The following ARRB1 variants were observed in gnomAD, a reference collection of about 807,000 sequenced individuals.
The protein encoded by ARRB1 is arrestin beta 1.
ARRB1 carries 21 observed loss-of-function variants against 56.8 expected under a neutral mutation model. The ratio of observed to expected loss-of-function variants is 0.37; its 90% CI spans 0.26 to 0.53. The LOEUF is 0.53. ARRB1 is among the 20% of genes least tolerant of loss of function. ARRB1 has a pLI of 0.88. For synonymous variants in ARRB1, 210 were observed against 218.6 expected (o/e 0.96, Z 0.35); for missense variants, 424 against 553.7 (o/e 0.77, Z 2.35).
chr11:75,274,740 C>T (rs183442174), intron 10 of ARRB1: 223 of 148,992 alleles, frequency 1.5e-3, no homozygotes, highest in Non-Finnish European at 2.5e-3. Context: ...TACAGTGAGC[C>T]GAGATTGCTC....
chr11:75,267,763 G>T lies in ARRB1; in HGVS notation c.1094-60C>A, dbSNP rs139538894. The T allele has an allele frequency of 2.3e-4, 348 of 1,492,364 alleles. No individual in the cohort carries two copies. The African/African-American group carries it at 2.7e-3, about 12-fold the overall frequency. The allele number at this position is 1,492,364 out of a possible 1,614,324, so 92.4% of individuals were successfully genotyped here. On this transcript the variant is annotated intron_variant, in intron 14 of 15. Coordinates refer to ENST00000420843, the MANE Select transcript of ARRB1 (RefSeq NM_004041.5). Reference sequence around the variant, plus strand: ...ATTAGTGAGTGGATGAGCACGGGGCGAGTAAGCACAGGCCCCCACCCTGGG... The same window carrying T: ...ATTAGTGAGTGGATGAGCACGGGGCTAGTAAGCACAGGCCCCCACCCTGGG...
At chr11:75,276,816 A>C in intron 10 of ARRB1, 23 bp downstream of exon 10, 2 of 1,613,106 alleles carry the variant, frequency 1.2e-6, no homozygotes, top group Non-Finnish European at 1.7e-6. Flanking sequence ...CATACGCCCA[A>C]GGCCAGACTT....
At chr11:75,335,923 G>A (rs765999159) in intron 1 of ARRB1, among the ~76,000 whole-genome samples, 8 of 152,222 alleles carry the variant, frequency 5.3e-5, no homozygotes, top group Admixed American at 2.0e-4. Context: ...CAAAACATGA[G>A]ACTTGCTGTG....
chr11:75,305,394 T>G (rs541795587), intron 1 of ARRB1, among the ~76,000 whole-genome samples: 4 of 152,116 alleles, frequency 2.6e-5, no homozygotes, highest in Non-Finnish European at 5.9e-5. Context: ...TTACTGTTGT[T>G]ACTATCATAC....
intron 1 of ARRB1, among the ~76,000 whole-genome samples, chr11:75,329,088 CTTTTTTTT>C (rs770989128): frequency 1.9e-5 from 2 of 103,656 alleles, no homozygotes; most frequent in African/African-American, 3.7e-5. Flanking sequence ...TGCTGTGTAA[CTTTTTTTT>C]TTTTTTTTTT....
chr11:75,324,115 G>A (rs1461849599), intron 1 of ARRB1, among the ~76,000 whole-genome samples: 1 of 152,188 alleles, frequency 6.6e-6, no homozygotes, highest in East Asian at 1.9e-4. Context: ...AATTCTGGAT[G>A]ATTGCTCTCT....
rs1266506499 is a variant in ARRB1 at position 75,261,667 on chromosome 11, C to T, written c.*4496G>A. On this transcript the variant is annotated 3_prime_UTR_variant, in exon 16 of 16. Transcript: ENST00000420843. ...TGGGGGGAGGATGTTTCCCCTTCAACAGGGCGTGTCTTTGAAGCCGCTGTG... is the reference window on the plus strand; with the variant it reads ...TGGGGGGAGGATGTTTCCCCTTCAATAGGGCGTGTCTTTGAAGCCGCTGTG... The T allele has an allele frequency of 6.6e-6, 1 of 152,154 alleles. No individual in the cohort carries two copies. Among genetic ancestry groups the T allele is most frequent in the Non-Finnish European group, 1.5e-5 (1 of 68,056 alleles). The allele number at this position is 152,154 out of a possible 1,614,324, so 9.4% of individuals were successfully genotyped here. A position where few individuals can be genotyped will look rare whatever the true frequency, so the allele number is the denominator to read the frequency against.
intron 5 of ARRB1, among the ~76,000 whole-genome samples, chr11:75,282,460 G>GCT (rs1946367889): frequency 6.6e-6 from 1 of 152,234 alleles, no homozygotes; most frequent in Admixed American, 6.5e-5. Context: ...GGGCAGAAAT[G>GCT]TCTGAGCCAC....
chr11:75,280,641 C>T (rs546714283), intron 7 of ARRB1, among the ~76,000 whole-genome samples: 72 of 152,378 alleles, frequency 4.7e-4, no homozygotes, highest in African/African-American at 1.6e-3. Context: ...TCTCCACTTC[C>T]TCCTCACTTA....
At chr11:75,273,822 G>T (rs1946129757) in intron 11 of ARRB1, among the ~76,000 whole-genome samples, 1 of 152,194 alleles carries the variant, frequency 6.6e-6, no homozygotes, top group African/African-American at 2.4e-5. Flanking sequence ...CCTCCCCCAG[G>T]CATGGTAGCA....
intron 1 of ARRB1, among the ~76,000 whole-genome samples, chr11:75,307,141 C>T (rs1947051553): frequency 6.6e-6 from 1 of 152,154 alleles, no homozygotes; most frequent in Non-Finnish European, 1.5e-5. Context: ...TCCTGTCTTC[C>T]CTTCCTCCCT....
At chr11:75,331,765 T>A (rs1417067449) in intron 1 of ARRB1, among the ~76,000 whole-genome samples, 1 of 152,072 alleles carries the variant, frequency 6.6e-6, no homozygotes, top group Non-Finnish European at 1.5e-5. Flanking sequence ...AAAGCCTGTT[T>A]GGTGGTCTCT....
At chr11:75,345,274 C>T (rs905944651) in intron 1 of ARRB1, among the ~76,000 whole-genome samples, 3 of 152,124 alleles carry the variant, frequency 2.0e-5, no homozygotes, top group South Asian at 2.1e-4. Flanking sequence ...AAGGAGGAGG[C>T]GCGTCTCCCG....
chr11:75,272,894 C>A lies in ARRB1; in HGVS notation c.998+1G>T. The A allele has an allele frequency of 6.2e-7, 1 of 1,613,990 alleles. No homozygotes were observed. On this transcript the variant is annotated splice_donor_variant, in intron 12 of 15. Transcript: ENST00000420843. LOFTEE classifies it high-confidence loss of function. ...GTCTTGGGCTTGGCTGGAGCACTCA[C>A]CCGCCCCGAGACACCACCAGCTTCA...
At chr11:75,328,701 A>G (rs978328090) in intron 1 of ARRB1, among the ~76,000 whole-genome samples, 7 of 152,218 alleles carry the variant, frequency 4.6e-5, no homozygotes, top group Non-Finnish European at 8.8e-5. Context: ...GAAGCTGCAG[A>G]GGCCTGGAGG....
chr11:75,345,429 G>T (rs1591995499), intron 1 of ARRB1, among the ~76,000 whole-genome samples: 1 of 152,026 alleles, frequency 6.6e-6, no homozygotes, highest in Non-Finnish European at 1.5e-5. Flanking sequence ...GCCACCCCTG[G>T]GACAGGAACC....
intron 1 of ARRB1, among the ~76,000 whole-genome samples, chr11:75,308,296 T>G (rs1947075609): frequency 1.3e-5 from 2 of 152,080 alleles, no homozygotes; most frequent in African/African-American, 4.8e-5. Flanking sequence ...GGCCACTGAG[T>G]AGAGCCAGGG....
At chr11:75,310,147 AT>A (rs992344542) in intron 1 of ARRB1, among the ~76,000 whole-genome samples, 1 of 152,112 alleles carries the variant, frequency 6.6e-6, no homozygotes, top group African/African-American at 2.4e-5. Flanking sequence ...GTGGGGAGCA[AT>A]GGGGAATGGG....
At chr11:75,281,920 G>A in intron 6 of ARRB1, 42 bp downstream of exon 6, 2 of 1,599,880 alleles carry the variant, frequency 1.3e-6, no homozygotes, top group Non-Finnish European at 1.7e-6. Flanking sequence ...GGGGACATGA[G>A]ACTCCTGGAG....
Sources: allele counts gnomAD v4.1 joint callset (sites outside exome capture counted in the v4.1 genomes callset), GRCh38; gene constraint gnomAD v4.1.1; transcripts MANE v1.5; gene names NCBI Gene and HGNC (gene_info 2026-07-23, HGNC 2026-07-21).